ZFPM2: variants seen among roughly 807,000 people sequenced by gnomAD.
ZFPM2 encodes zinc finger protein, FOG family member 2, also known as zinc finger protein ZFPM2.
In ZFPM2, 20 loss-of-function variants were observed where a neutral mutation model predicts 98.6. That is an observed-to-expected ratio of 0.20 (90% confidence interval 0.14 to 0.29). The LOEUF is 0.29. ZFPM2 is among the 10% of genes least tolerant of loss of function. The probability of loss-of-function intolerance (pLI) is 1.00; values close to 1 mark genes in which losing one functional copy is unlikely to be tolerated. For synonymous variants in ZFPM2, 518 were observed against 502.7 expected (o/e 1.03, Z -0.41); for missense variants, 1,310 against 1,388.6 (o/e 0.94, Z 0.90).
chr8:105,642,995 G>T (rs531575163), intron 5 of ZFPM2, among the ~76,000 whole-genome samples: 1 of 152,122 alleles, frequency 6.6e-6, no homozygotes, highest in East Asian at 1.9e-4. Context: ...TGAGGAGCAG[G>T]CCTCCAAAAG....
At chr8:105,456,930 G>C (rs916862136) in intron 3 of ZFPM2, among the ~76,000 whole-genome samples, 1 of 152,198 alleles carries the variant, frequency 6.6e-6, no homozygotes, top group African/African-American at 2.4e-5. Context: ...TGGGATTACA[G>C]ACGTGAGCCA....
chr8:105,345,398 T>G (rs1812502646), intron 1 of ZFPM2, among the ~76,000 whole-genome samples: 1 of 150,522 alleles, frequency 6.6e-6, no homozygotes, highest in African/African-American at 2.4e-5. Context: ...GATTCTGCGC[T>G]GACATATCTA....
chr8:105,711,933 G>A (rs1811411306), intron 5 of ZFPM2, among the ~76,000 whole-genome samples: 2 of 151,966 alleles, frequency 1.3e-5, no homozygotes, highest in South Asian at 4.1e-4. Context: ...GTCTTTTTGT[G>A]TATTTATGCC....
chr8:105,419,347 A>T, intron 2 of ZFPM2, 45 bp downstream of exon 2: 1 of 1,577,232 alleles, frequency 6.3e-7, no homozygotes, highest in Non-Finnish European at 8.5e-7. Context: ...CACTTAAATG[A>T]TTTTGTAATG....
At chr8:105,760,305 A>G (rs1209657087) in intron 5 of ZFPM2, among the ~76,000 whole-genome samples, 2 of 152,066 alleles carry the variant, frequency 1.3e-5, no homozygotes, top group African/African-American at 4.8e-5. Flanking sequence ...TTGGCCAGGT[A>G]GGTCACATGC....
intron 5 of ZFPM2, among the ~76,000 whole-genome samples, chr8:105,690,325 T>C (rs1374952146): frequency 6.6e-6 from 1 of 152,236 alleles, no homozygotes; most frequent in Non-Finnish European, 1.5e-5. Flanking sequence ...TCTTTAATTC[T>C]CAGAATAAGC....
intron 1 of ZFPM2, among the ~76,000 whole-genome samples, chr8:105,391,956 A>G (rs1811117495): frequency 1.3e-5 from 2 of 152,232 alleles, no homozygotes; most frequent in Admixed American, 1.3e-4. Flanking sequence ...GAAGCTTTTC[A>G]GATTACTTTG....
intron 7 of ZFPM2, among the ~76,000 whole-genome samples, chr8:105,800,688 A>G (rs10093619): frequency 0.099 from 15,103 of 152,046 alleles, 2,320 homozygotes; most frequent in African/African-American, 0.33. Context: ...TGAGGTTATT[A>G]GATTAGTAAT....
At chr8:105,319,752 G>A (rs1316590621) in intron 1 of ZFPM2, 1 of 152,310 alleles carries the variant, frequency 6.6e-6, no homozygotes, top group African/African-American at 2.4e-5. Context: ...CAGCGCGGAA[G>A]CTGTGAGTTC....
At chr8:105,720,119 G>A (rs1486978193) in intron 5 of ZFPM2, among the ~76,000 whole-genome samples, 1 of 151,832 alleles carries the variant, frequency 6.6e-6, no homozygotes, top group African/African-American at 2.4e-5. Context: ...CTAGTAATCT[G>A]GCCTTAGTCA....
intron 4 of ZFPM2, among the ~76,000 whole-genome samples, chr8:105,597,217 T>A (rs570641188): frequency 3.3e-5 from 5 of 152,192 alleles, no homozygotes; most frequent in Middle Eastern, 3.4e-3. Flanking sequence ...CAGTAATAAA[T>A]CTTTGAATTG....
intron 3 of ZFPM2, among the ~76,000 whole-genome samples, chr8:105,446,344 G>A (rs1812369895): frequency 6.6e-6 from 1 of 152,192 alleles, no homozygotes; most frequent in African/African-American, 2.4e-5. Context: ...TTACTCTTAT[G>A]ATGGGGAAAA....
intron 3 of ZFPM2, among the ~76,000 whole-genome samples, chr8:105,473,737 C>T (rs1196460519): frequency 1.3e-5 from 2 of 152,178 alleles, no homozygotes; most frequent in East Asian, 1.9e-4. Flanking sequence ...AATATAGGCA[C>T]TTAGACTTAG....
chr8:105,651,744 A>G (rs958764638), intron 5 of ZFPM2, among the ~76,000 whole-genome samples: 1 of 152,148 alleles, frequency 6.6e-6, no homozygotes, highest in African/African-American at 2.4e-5. Flanking sequence ...AGCGCACAGT[A>G]TACACCCACT....
intron 3 of ZFPM2, among the ~76,000 whole-genome samples, chr8:105,516,294 A>G (rs546504266): frequency 2.0e-5 from 3 of 152,288 alleles, no homozygotes; most frequent in South Asian, 2.1e-4. Flanking sequence ...CAGGCAGTCA[A>G]TTTGTCTTAA....
intron 3 of ZFPM2, among the ~76,000 whole-genome samples, chr8:105,473,857 T>C (rs1443773828): frequency 6.6e-6 from 1 of 152,186 alleles, no homozygotes; most frequent in Non-Finnish European, 1.5e-5. Flanking sequence ...AATATACAAA[T>C]AATATATAGC....
At chr8:105,491,512 T>G (rs1586411824) in intron 3 of ZFPM2, among the ~76,000 whole-genome samples, 1 of 152,280 alleles carries the variant, frequency 6.6e-6, no homozygotes, top group African/African-American at 2.4e-5. Context: ...TTAAGTAAAT[T>G]CCGGACTGTG....
At chr8:105,725,368 C>T (rs1220217491) in intron 5 of ZFPM2, among the ~76,000 whole-genome samples, 1 of 151,742 alleles carries the variant, frequency 6.6e-6, no homozygotes, top group Non-Finnish European at 1.5e-5. Flanking sequence ...CAAAAGTGTG[C>T]TCTTCTAAGT....
At chr8:105,456,346 A>G (rs1396227123) in intron 3 of ZFPM2, among the ~76,000 whole-genome samples, 1 of 151,934 alleles carries the variant, frequency 6.6e-6, no homozygotes, top group Non-Finnish European at 1.5e-5. Context: ...ATGAGAGGGA[A>G]AAACAAGCAC....
Sources: gnomAD v4.1 joint callset for allele counts (sites outside exome capture counted in the v4.1 genomes callset) on GRCh38, gnomAD v4.1.1 for gene constraint, MANE v1.5 for transcripts, NCBI Gene and HGNC (gene_info 2026-07-23, HGNC 2026-07-21) for gene names.